The following COL27A1 variants were observed in gnomAD, a reference collection of about 807,000 sequenced individuals.
The protein encoded by COL27A1 is collagen alpha-1(XXVII) chain.
COL27A1 carries 106 observed loss-of-function variants against 251.3 expected under a neutral mutation model. The observed-to-expected ratio is 0.42, with a 90% CI of 0.36 to 0.50. COL27A1 has a LOEUF of 0.50. Ranked by LOEUF, COL27A1 falls within the 20% of genes least tolerant of loss-of-function variation. The probability of loss-of-function intolerance (pLI) is 0.00; values close to 1 mark genes in which losing one functional copy is unlikely to be tolerated. For missense variants in COL27A1, 2,325 were observed against 2,522.8 expected, an observed-to-expected ratio of 0.92 and a Z score of 1.68; for synonymous variants, 1,000 against 986.3, an observed-to-expected ratio of 1.01 and a Z score of -0.26.
At chr9:114,264,766 C>T (rs1834615961) in intron 29 of COL27A1, among the ~76,000 whole-genome samples, 158 bp from the exon 30 acceptor site, 2 of 152,182 alleles carry the variant, frequency 1.3e-5, no homozygotes, top group Admixed American at 1.3e-4. Context: ...GAGCCACTCC[C>T]CTTGTCAGGC....
At chr9:114,237,821 G>C in intron 19 of COL27A1, 106 bp downstream of exon 19, 1 of 862,642 alleles carries the variant, frequency 1.2e-6, no homozygotes, top group South Asian at 1.4e-5. Flanking sequence ...AGGTCACACA[G>C]GATATGAGAG....
chr9:114,160,790 G>A (rs370840504), intron 1 of COL27A1, among the ~76,000 whole-genome samples: 1 of 152,210 alleles, frequency 6.6e-6, no homozygotes, highest in African/African-American at 2.4e-5. Context: ...GAGACCTGCT[G>A]TAGTGTGGCA....
In COL27A1 at chr9:114,282,316, C is replaced by T. The variant is rs141967205; in HGVS notation, c.3757C>T (p.Arg1253Cys). 6.6e-5 allele frequency: 107 copies of T among 1,614,040 alleles called. No individual in the cohort carries two copies. The highest frequency in any genetic ancestry group is 1.6e-4 in the Middle Eastern group (1 of 6,062). The change falls in exon 38 of 61, where the codon CGC becomes TGC. Residue 1253 changes from arginine to cysteine, a missense_variant. By Grantham distance (180) the Arg-to-Cys change is radical. Coordinates refer to ENST00000356083, the MANE Select transcript of COL27A1 (RefSeq NM_032888.4). Reference protein sequence around the residue: ...GKSGKQGEKGRTGAKGAKGYQ... With the variant: ...GKSGKQGEKGCTGAKGAKGYQ... ...ATCAGGGAAGCAAGGCGAGAAGGGC[C>T]GCACTGGAGCCAAGGTAGGTGTCCC...
At chr9:114,164,161 G>T (rs1046187169) in intron 2 of COL27A1, among the ~76,000 whole-genome samples, 1 of 152,128 alleles carries the variant, frequency 6.6e-6, no homozygotes, top group Non-Finnish European at 1.5e-5. Flanking sequence ...ACTCTTCTGA[G>T]CCCCCTCTAT....
At chr9:114,255,265 G>A (rs1833843562) in intron 27 of COL27A1, among the ~76,000 whole-genome samples, 1 of 152,204 alleles carries the variant, frequency 6.6e-6, no homozygotes, top group African/African-American at 2.4e-5. Flanking sequence ...ACGGCTGGCC[G>A]AGGCACCCAG....
chr9:114,166,220 TATCC>T (rs1265151041), intron 2 of COL27A1, among the ~76,000 whole-genome samples: 1 of 146,158 alleles, frequency 6.8e-6, no homozygotes, highest in Non-Finnish European at 1.5e-5. Flanking sequence ...TCCATTTTTC[TATCC>T]ATCCATCCAT....
intron 48 of COL27A1, among the ~76,000 whole-genome samples, chr9:114,291,472 C>T (rs1352835982): frequency 6.6e-6 from 1 of 152,132 alleles, no homozygotes; most frequent in Non-Finnish European, 1.5e-5. Flanking sequence ...GAAAAGGTGG[C>T]CACACAGTGG....
At chr9:114,182,286 G>C (rs1827987969) in intron 4 of COL27A1, among the ~76,000 whole-genome samples, 1 of 151,746 alleles carries the variant, frequency 6.6e-6, no homozygotes, top group South Asian at 2.1e-4. Context: ...TAAGGTGGGA[G>C]GATCTCTTGA....
At chr9:114,220,132 C>T (rs934274125) in intron 13 of COL27A1, among the ~76,000 whole-genome samples, 2 of 152,198 alleles carry the variant, frequency 1.3e-5, no homozygotes, top group African/African-American at 4.8e-5. Flanking sequence ...ATGGGTCACT[C>T]CCCACTGGAG....
intron 28 of COL27A1, among the ~76,000 whole-genome samples, chr9:114,259,636 C>T (rs1349975817): frequency 6.6e-6 from 1 of 152,136 alleles, no homozygotes; most frequent in Non-Finnish European, 1.5e-5. Flanking sequence ...TAAAAAGTGG[C>T]AGAGCTGGGA....
rs1482434932 is a variant in COL27A1, at chr9:114,311,347, A to AG, written c.*652_*653insG. 3 of 138,464 alleles carry AG rather than the reference A, an allele frequency of 2.2e-5. No homozygotes were observed. The highest frequency in any genetic ancestry group is 6.0e-5 in the African/African-American group (2 of 33,250). The allele number at this position is 138,464 out of a possible 1,614,324, so 8.6% of individuals were successfully genotyped here. ...CAGTGTATGTGATTTTTTTAAGGAA[A>AG]AAAAAAAATCCCTATTTAAGATTCT... is the stretch of plus-strand genomic sequence containing the variant. On this transcript the variant is annotated 3_prime_UTR_variant, in exon 61 of 61. Coordinates refer to ENST00000356083, the MANE Select transcript of COL27A1 (RefSeq NM_032888.4).
chr9:114,263,528 G>A (rs1834506744), intron 28 of COL27A1, among the ~76,000 whole-genome samples: 1 of 152,162 alleles, frequency 6.6e-6, no homozygotes, highest in South Asian at 2.1e-4. Flanking sequence ...TGTGGGAGCG[G>A]CCCTGGAGGG....
In COL27A1 at chr9:114,288,472, C is replaced by A. The variant is rs144970840; in HGVS notation, c.4005C>A (p.Asp1335Glu). ...GTCCACAGGGGGAGCAGGGCGAGGA[C>A]GGCAAGGCTGAGGGGCCCCCTGGGC... is the stretch of plus-strand genomic sequence containing the variant. Reference protein sequence around the residue: ...PKGEKGEQGEDGKAEGPPGPP... With the variant: ...PKGEKGEQGEEGKAEGPPGPP... Residue 1335 changes from aspartate to glutamate, a missense_variant, in exon 42 of 61, where the codon GAC becomes GAA. Physicochemically the swap from Asp to Glu is conservative, Grantham distance 45. This residue lies in a region of COL27A1 where 662 missense variants were observed against 795.3 expected (regional missense o/e 0.83). Transcript: ENST00000356083. The A allele has an allele frequency of 6.2e-7, 1 of 1,610,236 alleles. No homozygotes were observed. The highest frequency in any genetic ancestry group is 8.5e-7 in the Non-Finnish European group (1 of 1,178,972).
intron 16 of COL27A1, among the ~76,000 whole-genome samples, chr9:114,233,233 C>A (rs542807837): frequency 4.6e-5 from 7 of 152,324 alleles, no homozygotes; most frequent in African/African-American, 1.4e-4. Context: ...GAAACCAAGA[C>A]CCAGGGAGAG....
chr9:114,265,223 C>A, intron 31 of COL27A1, 113 bp downstream of exon 31: 1 of 1,223,122 alleles, frequency 8.2e-7, no homozygotes, highest in South Asian at 1.3e-5. Context: ...TCTGTGGAAA[C>A]CCCGCAGGTT....
chr9:114,249,255 A>T (rs1392680043), intron 24 of COL27A1, among the ~76,000 whole-genome samples: 2 of 152,244 alleles, frequency 1.3e-5, no homozygotes, highest in Non-Finnish European at 1.5e-5. Context: ...ATTAATTTTT[A>T]AAAATAAGTT....
chr9:114,209,682 T>C lies in COL27A1; in HGVS notation c.2276T>C (p.Ile759Thr), dbSNP rs140358497. The C allele has an allele frequency of 9.3e-6, 15 of 1,614,046 alleles. No homozygotes were observed. Among genetic ancestry groups the C allele is most frequent in the South Asian group, 2.2e-5 (2 of 91,094 alleles). The change falls in exon 11 of 61, where the codon ATT becomes ACT. Residue 759 changes from isoleucine (I) to threonine (T), a missense_variant. This residue lies in a region of COL27A1 where 1,183 missense variants were observed against 1,144.1 expected (regional missense o/e 1.03). Transcript: ENST00000356083. Reference protein sequence around the residue: ...DPGPKGSRGYIGLPGLFGLPG... With the variant: ...DPGPKGSRGYTGLPGLFGLPG... ...CTTTCTTCTCTTTCCTAGGGCTACA[T>C]TGGGCTCCCAGGGCTCTTCGGCCTG...
chr9:114,285,685 C>T (rs560690209), intron 41 of COL27A1, among the ~76,000 whole-genome samples: 13 of 152,326 alleles, frequency 8.5e-5, no homozygotes, highest in Admixed American at 2.6e-4. Flanking sequence ...GACGGCCACC[C>T]GCCCCAGCCG....
rs1037018920 is a variant in COL27A1, at chr9:114,201,083, C to T, written c.2125-4019C>T. 8.5e-5 allele frequency among the ~76,000 whole-genome samples: 13 copies of T among 152,308 alleles called. No individual in the cohort carries two copies. In the Middle Eastern group the frequency reaches 0.014, roughly 159 times the overall value. ...TGAGGTGATGTCTGGTTTCTCCTTG[C>T]GCATTGTAAGCAATGATTCATCTGG... On this transcript the variant is annotated intron_variant, in intron 7 of 60. Transcript: ENST00000356083.
Sources: gnomAD v4.1 joint callset for allele counts (sites outside exome capture counted in the v4.1 genomes callset) on GRCh38, gnomAD v4.1.1 for gene constraint, gnomAD v4.1.1 regional missense constraint, MANE v1.5 for transcripts, NCBI Gene and HGNC (gene_info 2026-07-23, HGNC 2026-07-21) for gene names.